Variants in SNX7 observed in about 807,000 individuals in gnomAD.
The protein encoded by SNX7 is sorting nexin 7, also known as sorting nexin-7.
Under a neutral mutation model 48.4 loss-of-function variants are expected in SNX7, and 35 were observed. The ratio of observed to expected loss-of-function variants is 0.72; its 90% CI spans 0.55 to 0.96. The LOEUF (loss-of-function observed/expected upper bound fraction) is 0.96, where lower values mean the gene tolerates loss of function less well. Ranked by LOEUF, SNX7 falls within the 40% of genes least tolerant of loss-of-function variation. SNX7 has a pLI of 0.00. For missense variants in SNX7, 553 were observed against 548.9 expected, an observed-to-expected ratio of 1.01 and a Z score of -0.07; for synonymous variants, 190 against 190.2, an observed-to-expected ratio of 1.00 and a Z score of 0.01.
Position 98,690,999 on chromosome 1 carries a change from A to G in SNX7, c.364-76A>G, listed in dbSNP as rs1570520593. 3 of 828,268 alleles carry G rather than the reference A, an allele frequency of 3.6e-6. No homozygotes were observed. In the East Asian group the frequency reaches 8.7e-5, roughly 24 times the overall value. 51.3% of individuals were successfully genotyped at this position (828,268 alleles called of 1,614,324 possible). On this transcript the variant is annotated intron_variant, in intron 2 of 8. Coordinates refer to ENST00000306121, the MANE Select transcript of SNX7 (RefSeq NM_015976.5). ...TTTCTTAGAGACCCATTTATTTCAC[A>G]ATGTCTAAAATAACGTTAGGCAAAT...
chr1:98,723,405 C>T (rs1652991403), intron 7 of SNX7, among the ~76,000 whole-genome samples: 1 of 151,718 alleles, frequency 6.6e-6, no homozygotes, highest in South Asian at 2.1e-4. Flanking sequence ...TACTAAGTAC[C>T]TTATTTTTTT....
At chr1:98,681,201 A>G (rs191068752) in intron 1 of SNX7, among the ~76,000 whole-genome samples, 40 of 152,262 alleles carry the variant, frequency 2.6e-4, no homozygotes, top group Admixed American at 2.2e-3. Context: ...ATCAGATCTC[A>G]TGAGACTTAT....
At chr1:98,687,941 G>A (rs1396307704) in intron 2 of SNX7, among the ~76,000 whole-genome samples, 1 of 152,126 alleles carries the variant, frequency 6.6e-6, no homozygotes, top group Non-Finnish European at 1.5e-5. Context: ...TGGGGGAACT[G>A]CCCCTATGAT....
intron 2 of SNX7, among the ~76,000 whole-genome samples, chr1:98,687,989 G>A (rs1650897703): frequency 6.6e-6 from 1 of 151,894 alleles, no homozygotes; most frequent in South Asian, 2.1e-4. Context: ...TGACACATGG[G>A]GATTATTACA....
chr1:98,750,575 C>G (rs1350653705), intron 8 of SNX7, among the ~76,000 whole-genome samples: 1 of 152,048 alleles, frequency 6.6e-6, no homozygotes, highest in East Asian at 1.9e-4. Context: ...ATTTTATGCT[C>G]ATCAGGTATT....
chr1:98,728,179 G>T (rs544287414), intron 7 of SNX7, among the ~76,000 whole-genome samples: 1 of 152,266 alleles, frequency 6.6e-6, no homozygotes, highest in African/African-American at 2.4e-5. Flanking sequence ...CAGAATAACA[G>T]TGGACCTCTT....
chr1:98,694,369 C>CA (rs775800995), intron 4 of SNX7, among the ~76,000 whole-genome samples: 2,439 of 52,674 alleles, frequency 0.046, 93 homozygotes, highest in African/African-American at 0.12. Flanking sequence ...GACTCCGTCT[C>CA]AAAAAAAAAA....
intron 6 of SNX7, among the ~76,000 whole-genome samples, chr1:98,700,648 G>A (rs138711510): frequency 1.3e-5 from 2 of 151,942 alleles, no homozygotes; most frequent in African/African-American, 4.8e-5. Flanking sequence ...GGGCTCAAGT[G>A]GTCCTCCCAC....
At chr1:98,707,079 CCTTTA>C (rs1037577453) in intron 7 of SNX7, among the ~76,000 whole-genome samples, 1 of 152,054 alleles carries the variant, frequency 6.6e-6, no homozygotes, top group African/African-American at 2.4e-5. Context: ...AAAGTATGAG[CCTTTA>C]CTTTATCCTG....
At chr1:98,688,628 G>A (rs9727869) in intron 2 of SNX7, among the ~76,000 whole-genome samples, 133,619 of 152,162 alleles carry the variant, frequency 0.88, 59,906 homozygotes, top group Non-Finnish European at 0.96. Context: ...TTGACTGAAG[G>A]TTGGTATTTT....
At chr1:98,673,328 G>A (rs1420773450) in intron 1 of SNX7, among the ~76,000 whole-genome samples, 1 of 152,144 alleles carries the variant, frequency 6.6e-6, no homozygotes, top group East Asian at 1.9e-4. Flanking sequence ...TGCTCTCCAA[G>A]TGTTTTGTAT....
At chr1:98,661,603 C>A, upstream of SNX7, 1 of 887,890 alleles carries the variant, frequency 1.1e-6, no homozygotes, top group Non-Finnish European at 1.4e-6. Context: ...AGTTCCGCGT[C>A]TGCGCAGCGG....
rs115203903 is a variant in SNX7, at chr1:98,684,283, C to G, written c.181-602C>G. On this transcript the variant is annotated intron_variant, in intron 1 of 8. Coordinates refer to ENST00000306121, the MANE Select transcript of SNX7 (RefSeq NM_015976.5). ...TTTTTCTTCTTATTCTTGCCTGAGTCCATTAGTGCTACTGTGACAAAATAT... is the reference window on the plus strand; with the variant it reads ...TTTTTCTTCTTATTCTTGCCTGAGTGCATTAGTGCTACTGTGACAAAATAT... 6.1e-3 allele frequency among the ~76,000 whole-genome samples: 934 copies of G among 152,228 alleles called. 13 individuals carry two copies. Among genetic ancestry groups the G allele is most frequent in the African/African-American group, 0.022 (900 of 41,538 alleles).
chr1:98,685,675 ATTCTC>A (rs1255886510), intron 2 of SNX7, among the ~76,000 whole-genome samples: 1 of 152,124 alleles, frequency 6.6e-6, no homozygotes, highest in Admixed American at 6.6e-5. Context: ...TTTGAAAATA[ATTCTC>A]TTTATAATAT....
At chr1:98,707,700 G>T (rs982423602) in intron 7 of SNX7, among the ~76,000 whole-genome samples, 2 of 152,142 alleles carry the variant, frequency 1.3e-5, no homozygotes, top group Admixed American at 6.6e-5. Flanking sequence ...TTAGCAATAT[G>T]TGCATAGAAT....
intron 8 of SNX7, among the ~76,000 whole-genome samples, chr1:98,752,818 C>T (rs150453318): frequency 6.6e-5 from 10 of 152,014 alleles, no homozygotes; most frequent in African/African-American, 1.9e-4. Flanking sequence ...ATTTCCATAC[C>T]CTCACCTTTT....
At chr1:98,731,801 T>G (rs1052894516) in intron 7 of SNX7, among the ~76,000 whole-genome samples, 4 of 152,180 alleles carry the variant, frequency 2.6e-5, no homozygotes, top group African/African-American at 9.6e-5. Context: ...GGAATCACTG[T>G]CATATATGCA....
At chr1:98,722,894 AT>A (rs1312255120) in intron 7 of SNX7, among the ~76,000 whole-genome samples, 8 of 152,310 alleles carry the variant, frequency 5.3e-5, no homozygotes, top group African/African-American at 1.9e-4. Flanking sequence ...ATGTAAAGAA[AT>A]AATACTCATA....
chr1:98,698,619 A>T, intron 5 of SNX7, 87 bp from the exon 6 acceptor site: 1 of 1,160,348 alleles, frequency 8.6e-7, no homozygotes, highest in Non-Finnish European at 1.2e-6. Context: ...TGTGAGAGAA[A>T]TAAGGCCCTT....
Sources: gnomAD v4.1 joint callset for allele counts (sites outside exome capture counted in the v4.1 genomes callset) on GRCh38, gnomAD v4.1.1 for gene constraint, MANE v1.5 for transcripts, NCBI Gene and HGNC (gene_info 2026-07-23, HGNC 2026-07-21) for gene names.